TTC7B: variants seen among roughly 807,000 people sequenced by gnomAD.
TTC7B encodes tetratricopeptide repeat protein 7B.
In TTC7B, 28 loss-of-function variants were observed where a neutral mutation model predicts 106.8. That is an observed-to-expected ratio of 0.26 (90% confidence interval 0.19 to 0.36). The LOEUF (loss-of-function observed/expected upper bound fraction) is 0.36, where lower values mean the gene tolerates loss of function less well. Ranked by LOEUF, TTC7B falls within the 10% of genes least tolerant of loss-of-function variation. The pLI is 1.00. For synonymous variants in TTC7B, 405 were observed against 430.6 expected (o/e 0.94, Z 0.74); for missense variants, 862 against 1,076.4 (o/e 0.80, Z 2.79).
chr14:90,759,212 G>A lies in TTC7B; in HGVS notation c.446-14290C>T, dbSNP rs1015872626. ...TCTCCTTCTCCACAGAACAATCTGT[G>A]TTCTGCTCCCGCCCCCGAGAGAGTT... is the stretch of plus-strand genomic sequence containing the variant. On this transcript the variant is annotated intron_variant, in intron 3 of 19. Coordinates refer to ENST00000328459, the MANE Select transcript of TTC7B (RefSeq NM_001010854.2). This position sits in a 1 kb window ranked among gnomAD's most constrained non-coding sequence, Gnocchi z 4.1. Among the ~76,000 whole-genome samples the A allele has an allele frequency of 6.6e-6, 1 of 152,256 alleles. No homozygotes were observed. The highest frequency in any genetic ancestry group is 2.1e-4 in the South Asian group (1 of 4,828).
rs185826948 is a variant in TTC7B, at chr14:90,616,471, G to A, written c.1868+1458C>T. 7.4e-3 allele frequency among the ~76,000 whole-genome samples: 1,129 copies of A among 151,938 alleles called. 6 individuals carry two copies. Among genetic ancestry groups the A allele is most frequent in the Non-Finnish European group, 0.013 (896 of 67,942 alleles). On this transcript the variant is annotated intron_variant, in intron 16 of 19. Coordinates refer to ENST00000328459, the MANE Select transcript of TTC7B (RefSeq NM_001010854.2). ...CGGGTGCGCCCAGCAGCACAGCGCCGCGCCGCTGTTCCTGTGCTTGGGAAG... is the reference window on the plus strand; with the variant it reads ...CGGGTGCGCCCAGCAGCACAGCGCCACGCCGCTGTTCCTGTGCTTGGGAAG...
At chr14:90,751,872 A>G (rs1049939516) in intron 3 of TTC7B, among the ~76,000 whole-genome samples, 2 of 152,190 alleles carry the variant, frequency 1.3e-5, no homozygotes, top group African/African-American at 4.8e-5. Flanking sequence ...GAGTCTCAGA[A>G]AAGTTAAGTG....
At chr14:90,799,379 A>C (rs2030105126) in intron 1 of TTC7B, among the ~76,000 whole-genome samples, 1 of 152,206 alleles carries the variant, frequency 6.6e-6, no homozygotes, top group Admixed American at 6.5e-5. Flanking sequence ...AACAGGACCT[A>C]GTGGGTCTCT....
At chr14:90,632,970 C>T (rs1221020415) in intron 15 of TTC7B, among the ~76,000 whole-genome samples, 1 of 152,172 alleles carries the variant, frequency 6.6e-6, no homozygotes, top group Admixed American at 6.5e-5. Context: ...TTCACTTCTT[C>T]CCATACAGTT....
chr14:90,701,500 A>C (rs1226389077), intron 5 of TTC7B, among the ~76,000 whole-genome samples: 1 of 151,980 alleles, frequency 6.6e-6, no homozygotes, highest in African/African-American at 2.4e-5. Flanking sequence ...CTAAGAATGA[A>C]AAGTGGCCAG....
At chr14:90,809,633 G>A (rs1431701562) in intron 1 of TTC7B, among the ~76,000 whole-genome samples, 4 of 152,254 alleles carry the variant, frequency 2.6e-5, no homozygotes, top group Admixed American at 6.5e-5. Context: ...GATGTAACTT[G>A]GCCCTCGCTT....
chr14:90,550,500 C>A (rs188077038), intron 19 of TTC7B, among the ~76,000 whole-genome samples: 1 of 152,236 alleles, frequency 6.6e-6, no homozygotes, highest in Admixed American at 6.5e-5. Flanking sequence ...ACCCTCCCCT[C>A]TCTCAAAGTG....
intron 9 of TTC7B, among the ~76,000 whole-genome samples, chr14:90,671,491 C>T (rs1285431815): frequency 2.0e-5 from 3 of 152,192 alleles, no homozygotes; most frequent in African/African-American, 7.2e-5. Flanking sequence ...AGAGACAAAC[C>T]TCCTTAGCAG....
At chr14:90,815,648 G>C (rs2031128484) in intron 1 of TTC7B, among the ~76,000 whole-genome samples, 1 of 151,926 alleles carries the variant, frequency 6.6e-6, no homozygotes, top group African/African-American at 2.4e-5. Context: ...CACACCTCGA[G>C]TCTGCGCTTC....
At chr14:90,668,074 C>T (rs1385309346) in intron 9 of TTC7B, among the ~76,000 whole-genome samples, 2 of 151,410 alleles carry the variant, frequency 1.3e-5, no homozygotes, top group Admixed American at 6.6e-5. Context: ...GTAATACTTC[C>T]CTTGTGCAAA....
intron 1 of TTC7B, among the ~76,000 whole-genome samples, chr14:90,803,024 T>G (rs1182365715): frequency 6.6e-6 from 1 of 150,572 alleles, no homozygotes; most frequent in African/African-American, 2.4e-5. Flanking sequence ...ACACCTGTAA[T>G]CCCAGCTACT....
At chr14:90,572,852 G>A (rs1891084689) in intron 19 of TTC7B, among the ~76,000 whole-genome samples, 1 of 152,074 alleles carries the variant, frequency 6.6e-6, no homozygotes, top group South Asian at 2.1e-4. Context: ...TGCTTCCCAT[G>A]CTCCACTCCA....
chr14:90,676,012 CAG>C (rs1886819106), intron 9 of TTC7B: 1 of 152,362 alleles, frequency 6.6e-6, no homozygotes, highest in Non-Finnish European at 1.5e-5. Context: ...GAGAAGATGA[CAG>C]TACCTTGCAC....
intron 15 of TTC7B, among the ~76,000 whole-genome samples, chr14:90,622,622 CG>C (rs1314186906): frequency 1.3e-5 from 2 of 151,824 alleles, no homozygotes; most frequent in Non-Finnish European, 2.9e-5. Context: ...CCCAGCTACT[CG>C]GGAGGCTGAG....
chr14:90,758,302 T>C (rs941696), intron 3 of TTC7B, among the ~76,000 whole-genome samples: 36 of 136,038 alleles, frequency 2.6e-4, no homozygotes, highest in Non-Finnish European at 1.1e-4. Context: ...CTGCGCGAGA[T>C]GCAGGGCACT....
At chr14:90,712,009 A>G (rs2139968399) in intron 5 of TTC7B, among the ~76,000 whole-genome samples, 1 of 152,278 alleles carries the variant, frequency 6.6e-6, no homozygotes, top group East Asian at 1.9e-4. Context: ...TATAAGAGAT[A>G]GAGACACTTT....
At chr14:90,564,046 C>T (rs1310530472) in intron 19 of TTC7B, among the ~76,000 whole-genome samples, 1 of 151,626 alleles carries the variant, frequency 6.6e-6, no homozygotes, top group Non-Finnish European at 1.5e-5. Context: ...GACCTCCTCC[C>T]ATGAATCATG....
At chr14:90,676,842 A>G (rs567357539) in intron 8 of TTC7B, among the ~76,000 whole-genome samples, 182 bp from the exon 9 acceptor site, 3 of 152,274 alleles carry the variant, frequency 2.0e-5, no homozygotes, top group East Asian at 1.9e-4. Context: ...GCAGAACATG[A>G]TATACGGGAT....
intron 19 of TTC7B, among the ~76,000 whole-genome samples, chr14:90,556,997 G>A (rs866125089): frequency 2.6e-5 from 4 of 152,204 alleles, no homozygotes; most frequent in Admixed American, 2.0e-4. Flanking sequence ...GGTCTCCATG[G>A]TCAGAAAGCC....
Sources: allele counts gnomAD v4.1 joint callset (sites outside exome capture counted in the v4.1 genomes callset), GRCh38; gene constraint gnomAD v4.1.1; non-coding constraint Gnocchi (gnomAD v3.1); transcripts MANE v1.5; gene names NCBI Gene and HGNC (gene_info 2026-07-23, HGNC 2026-07-21).